The following TAP1 variants were observed in gnomAD, a reference collection of about 807,000 sequenced individuals.
TAP1 encodes the protein transporter 1, ATP binding cassette subfamily B member, also known as antigen peptide transporter 1.
TAP1 carries 56 observed loss-of-function variants against 79.3 expected under a neutral mutation model. That is an observed-to-expected ratio of 0.71 (90% CI 0.57 to 0.88). The LOEUF is 0.88. Among genes scored for constraint, TAP1 ranks in the 40% least tolerant of loss-of-function variants. The pLI is 0.00. For synonymous variants in TAP1, 355 were observed against 401.4 expected (o/e 0.88, Z 1.38); for missense variants, 737 against 936.3 (o/e 0.79, Z 2.78).
chr6:32,845,654 TC>T lies in TAP1; in HGVS notation c.2171del (p.Gly724GlufsTer75). 1 of 1,612,882 alleles carries T rather than the reference TC, an allele frequency of 6.2e-7. No individual in the cohort carries two copies. Among genetic ancestry groups the T allele is most frequent in the Non-Finnish European group, 8.5e-7 (1 of 1,179,970 alleles). ...FLEGGAIREG[G>X]THQQLMEKKG... ...TTTTCTCCATGAGCTGCTGGTGGGTTCCCCCCTCCCGGATAGCGCCTCCTTC... is the reference window on the plus strand; with the variant it reads ...TTTTCTCCATGAGCTGCTGGTGGGTTCCCCCTCCCGGATAGCGCCTCCTTC... On this transcript the variant is annotated frameshift_variant, in exon 11 of 11. Coordinates refer to ENST00000354258, the MANE Select transcript of TAP1 (RefSeq NM_000593.6). LOFTEE classifies it high-confidence loss of function. This position sits in a 1 kb window ranked among gnomAD's most constrained non-coding sequence, Gnocchi z 4.5.
rs1369339293 is a variant in TAP1, at chr6:32,852,074, T to C, written c.844+35A>G. 1.2e-6 allele frequency: 2 copies of C among 1,612,484 alleles called. No individual in the cohort carries two copies. The highest frequency in any genetic ancestry group is 1.3e-5 in the African/African-American group (1 of 74,790). On this transcript the variant is annotated intron_variant, in intron 3 of 10. Coordinates refer to ENST00000354258, the MANE Select transcript of TAP1 (RefSeq NM_000593.6). The surrounding 1 kb of genome is among the most constrained non-coding windows in gnomAD (Gnocchi z 4.8). The stretch of plus-strand genomic sequence containing the variant: ...AGCAGATGTATGAGGATATGAACAG[T>C]ACATGGCGTATAATGAAAGAGTTTC...
At position 32,852,043 on chromosome 6, in the gene TAP1, G is replaced by T; in HGVS notation, c.844+66C>A. The stretch of plus-strand genomic sequence containing the variant: ...AGAGAGAGAGAGCGGGGAGGGGGGA[G>T]ATCAAAGCAGATGTATGAGGATATG... On this transcript the variant is annotated intron_variant, in intron 3 of 10. Coordinates refer to ENST00000354258, the MANE Select transcript of TAP1 (RefSeq NM_000593.6). The surrounding 1 kb of genome is among the most constrained non-coding windows in gnomAD (Gnocchi z 4.8). 4 of 1,605,670 alleles carry T rather than the reference G, an allele frequency of 2.5e-6. No individual in the cohort carries two copies. Among genetic ancestry groups the T allele is most frequent in the Non-Finnish European group, 3.4e-6 (4 of 1,174,808 alleles).
Position 32,853,343 on chromosome 6 carries a change from T to G in TAP1, c.294A>C (p.Pro98=). The part of the protein sequence containing the change: ...GAQGWLAALK[P]LAAALGLALP... ...GGGCCAAGCCCAGTGCCGCAGCTAA[T>G]GGCTTCAAAGCAGCCAGCCAGCCCT... Residue 98 remains proline (P), a synonymous_variant, in exon 1 of 11, where the codon CCA becomes CCC. Coordinates refer to ENST00000354258, the MANE Select transcript of TAP1 (RefSeq NM_000593.6). The surrounding 1 kb of genome is among the most constrained non-coding windows in gnomAD (Gnocchi z 8.3). The G allele has an allele frequency of 6.3e-7, 1 of 1,584,752 alleles. No homozygotes were observed. Among genetic ancestry groups the G allele is most frequent in the Non-Finnish European group, 8.6e-7 (1 of 1,165,262 alleles).
Position 32,850,910 on chromosome 6 carries a change from G to T in TAP1, c.1050+34C>A. ...AGTCTGCCAAGTCTGGGAGATGAGG[G>T]TCTGTGTAGAGCGGGCCAACTCCAT... is the stretch of plus-strand genomic sequence containing the variant. On this transcript the variant is annotated intron_variant, in intron 4 of 10. Coordinates refer to ENST00000354258, the MANE Select transcript of TAP1 (RefSeq NM_000593.6). This position sits in a 1 kb window ranked among gnomAD's most constrained non-coding sequence, Gnocchi z 5.5. 6.3e-7 allele frequency: 1 copy of T among 1,582,536 alleles called. No homozygotes were observed. The highest frequency in any genetic ancestry group is 8.7e-7 in the Non-Finnish European group (1 of 1,153,840).
At position 32,847,696 on chromosome 6, in the gene TAP1, G is replaced by A. The variant is rs756413687; in HGVS notation, c.1741-21C>T. On this transcript the variant is annotated intron_variant, in intron 8 of 10. Transcript: ENST00000354258. This position sits in a 1 kb window ranked among gnomAD's most constrained non-coding sequence, Gnocchi z 4.7. ...GCCACCTGAGATGAAATATGATGAA[G>A]AGTCATAGAACAAGGCACATGGGAG... 6.2e-7 allele frequency: 1 copy of A among 1,612,488 alleles called. No individual in the cohort carries two copies. Among genetic ancestry groups the A allele is most frequent in the Non-Finnish European group, 8.5e-7 (1 of 1,179,188 alleles).
intron 7 of TAP1, 23 bp downstream of exon 7, chr6:32,848,629 A>G: frequency 6.2e-7 from 1 of 1,612,826 alleles, no homozygotes; most frequent in South Asian, 1.1e-5. Context: ...GGCCAGTGGA[A>G]TACAGGGAGT....
chr6:32,847,218 G>A lies in TAP1; in HGVS notation c.1904-14C>T, dbSNP rs550493302. On this transcript the variant is annotated splice_polypyrimidine_tract_variant and intron_variant, in intron 9 of 10. Coordinates refer to ENST00000354258, the MANE Select transcript of TAP1 (RefSeq NM_000593.6). This position sits in a 1 kb window ranked among gnomAD's most constrained non-coding sequence, Gnocchi z 4.7. Reference sequence around the variant, plus strand: ...CCTCGTCTACCTCTGCAGAGCAAAGGGCCAAGATGAGAACGGTATAGCCAC... The same window carrying A: ...CCTCGTCTACCTCTGCAGAGCAAAGAGCCAAGATGAGAACGGTATAGCCAC... 1.9e-5 allele frequency: 30 copies of A among 1,610,674 alleles called. No individual in the cohort carries two copies. In the African/African-American group the frequency reaches 3.6e-4, roughly 19 times the overall value.
At position 32,845,680 on chromosome 6, in the gene TAP1, C is replaced by G. The variant is rs760660792; in HGVS notation, c.2146G>C (p.Glu716Gln). The G allele has an allele frequency of 3.7e-6, 6 of 1,612,958 alleles. No individual in the cohort carries two copies. In the African/African-American group the frequency reaches 8.0e-5, roughly 22 times the overall value. The change falls in exon 11 of 11, where the codon GAA (glutamate) becomes CAA (glutamine). Residue 716 changes from glutamate (E) to glutamine (Q), a missense_variant. Physicochemically the swap from Glu to Gln is conservative, Grantham distance 29. Around this residue, in one of 5 missense-constraint regions of TAP1, gnomAD observed 266 missense variants for 332.4 expected, o/e 0.80. Coordinates refer to ENST00000354258, the MANE Select transcript of TAP1 (RefSeq NM_000593.6). The surrounding 1 kb of genome is among the most constrained non-coding windows in gnomAD (Gnocchi z 4.5). ...CCCCCCTCCCGGATAGCGCCTCCTT[C>G]CAGAAAGAGGATGTGGTCAGCCTGC... ...VEQADHILFL[E>Q]GGAIREGGTH...
In TAP1 at chr6:32,851,165, G is replaced by A. The variant is rs769274536; in HGVS notation, c.845-16C>T. On this transcript the variant is annotated splice_polypyrimidine_tract_variant and intron_variant, in intron 3 of 10. Transcript: ENST00000354258. The surrounding 1 kb of genome is among the most constrained non-coding windows in gnomAD (Gnocchi z 4.8). The stretch of plus-strand genomic sequence containing the variant: ...ATGATGTTACCTGCAGGGTTGGGGA[G>A]AAGAGAGTGAGGTGAATCAGACAGG... 1 of 1,611,918 alleles carries A rather than the reference G, an allele frequency of 6.2e-7. No homozygotes were observed. The highest frequency in any genetic ancestry group is 8.5e-7 in the Non-Finnish European group (1 of 1,179,146).
Position 32,848,632 on chromosome 6 carries a change from C to T in TAP1, c.1566+20G>A. Reference sequence around the variant, plus strand: ...AATTGCAGTTGGGGCCAGTGGAATACAGGGAGTGGTAGGTTGTACCTGTAG... The same window carrying T: ...AATTGCAGTTGGGGCCAGTGGAATATAGGGAGTGGTAGGTTGTACCTGTAG... On this transcript the variant is annotated intron_variant, in intron 7 of 10. Transcript: ENST00000354258. The T allele has an allele frequency of 1.2e-6, 2 of 1,613,286 alleles. No individual in the cohort carries two copies. The highest frequency in any genetic ancestry group is 1.7e-6 in the Non-Finnish European group (2 of 1,179,764).
intron 10 of TAP1, 88 bp downstream of exon 10, chr6:32,846,980 T>C: frequency 1.3e-6 from 2 of 1,586,600 alleles, no homozygotes; most frequent in Non-Finnish European, 1.7e-6. Context: ...CTGGTTTGTA[T>C]AATTATGATG....
Position 32,853,432 on chromosome 6 carries a change from A to T in TAP1, c.205T>A (p.Trp69Arg). 1 of 1,611,986 alleles carries T rather than the reference A, an allele frequency of 6.2e-7. No individual in the cohort carries two copies. Among genetic ancestry groups the T allele is most frequent in the Non-Finnish European group, 8.5e-7 (1 of 1,179,614 alleles). Residue 69 changes from tryptophan (W) to arginine (R), a missense_variant, in exon 1 of 11, where the codon TGG becomes AGG. Trp to Arg is a moderately radical substitution (Grantham distance 101). Coordinates refer to ENST00000354258, the MANE Select transcript of TAP1 (RefSeq NM_000593.6). This position sits in a 1 kb window ranked among gnomAD's most constrained non-coding sequence, Gnocchi z 8.3. The part of the protein sequence containing the change: ...AVGLSRWAVL[W>R]LGACGVLRAT... Reference sequence around the variant, plus strand: ...CTGAGGACCCCGCAGGCCCCCAGCCAGAGCACGGCCCAGCGGCTCAGGCCC... The same window carrying T: ...CTGAGGACCCCGCAGGCCCCCAGCCTGAGCACGGCCCAGCGGCTCAGGCCC...
intron 7 of TAP1, 71 bp downstream of exon 7, chr6:32,848,581 G>T (rs769184634): frequency 6.5e-7 from 1 of 1,534,572 alleles, no homozygotes; most frequent in Non-Finnish European, 9.0e-7. Flanking sequence ...GCAGGCTGAA[G>T]GCAGGAAGAA....
rs1770897296 is a variant in TAP1, at chr6:32,853,091, C to T, written c.546G>A (p.Ser182=). ...PVRRLLGCLG[S]ETRRLSLFLV... ...GGAACAGCGAGAGGCGGCGCGTCTCCGAGCCCAGGCAGCCTAGAAGCCGAC... is the reference window on the plus strand; with the variant it reads ...GGAACAGCGAGAGGCGGCGCGTCTCTGAGCCCAGGCAGCCTAGAAGCCGAC... Residue 182 remains serine (S), a synonymous_variant, in exon 1 of 11, where the codon TCG becomes TCA. Transcript: ENST00000354258. This position sits in a 1 kb window ranked among gnomAD's most constrained non-coding sequence, Gnocchi z 8.3. 6.2e-7 allele frequency: 1 copy of T among 1,612,622 alleles called. No individual in the cohort carries two copies. The highest frequency in any genetic ancestry group is 8.5e-7 in the Non-Finnish European group (1 of 1,179,958).
Position 32,851,026 on chromosome 6 carries a change from C to T in TAP1, c.968G>A (p.Gly323Glu), listed in dbSNP as rs1770749524. Residue 323 changes from glycine (G) to glutamate (E), a missense_variant, in exon 4 of 11, where the codon GGA (glycine) becomes GAA (glutamate). Physicochemically the swap from Gly to Glu is moderately conservative, Grantham distance 98 (BLOSUM62 -2). Coordinates refer to ENST00000354258, the MANE Select transcript of TAP1 (RefSeq NM_000593.6). This position sits in a 1 kb window ranked among gnomAD's most constrained non-coding sequence, Gnocchi z 4.8. Reference protein sequence around the residue: ...GLCLLGIMLWGSVSLTMVTLI... With the variant: ...GLCLLGIMLWESVSLTMVTLI... The stretch of plus-strand genomic sequence containing the variant: ...GGTGACCATGGTGAGGGACACTGAT[C>T]CCCAGAGCATGATCCCCAAGAGACA... 3 of 1,612,718 alleles carry T rather than the reference C, an allele frequency of 1.9e-6. No individual in the cohort carries two copies. The highest frequency in any genetic ancestry group is 8.5e-7 in the Non-Finnish European group (1 of 1,179,922).
rs768348425 is a variant in TAP1 at position 32,845,659 on chromosome 6, C to G, written c.2167G>C (p.Gly723Arg). ...TCCATGAGCTGCTGGTGGGTTCCCC[C>G]CTCCCGGATAGCGCCTCCTTCCAGA... ...LFLEGGAIRE[G>R]GTHQQLMEKK... The change falls in exon 11 of 11, where the codon GGG becomes CGG. Residue 723 changes from glycine (G) to arginine (R), a missense_variant. Physicochemically the swap from Gly to Arg is moderately radical, Grantham distance 125. Transcript: ENST00000354258. This position sits in a 1 kb window ranked among gnomAD's most constrained non-coding sequence, Gnocchi z 4.5. The G allele has an allele frequency of 2.1e-5, 34 of 1,612,994 alleles. No homozygotes were observed. The Admixed American group carries it at 3.2e-4, about 15-fold the overall frequency.
intron 10 of TAP1, among the ~76,000 whole-genome samples, chr6:32,846,675 C>T (rs965657350): frequency 2.6e-5 from 4 of 151,820 alleles, no homozygotes; most frequent in African/African-American, 9.7e-5. Flanking sequence ...AAAAGTCAAC[C>T]AGGCATAGTG....
Position 32,851,034 on chromosome 6 carries a change from C to G in TAP1, c.960G>C (p.Met320Ile). Reference protein sequence around the residue: ...LVRGLCLLGIMLWGSVSLTMV... With the variant: ...LVRGLCLLGIILWGSVSLTMV... ...TGGTGAGGGACACTGATCCCCAGAG[C>G]ATGATCCCCAAGAGACATAGGCCTC... The change falls in exon 4 of 11, where the codon ATG becomes ATC. Residue 320 changes from methionine (M) to isoleucine (I), a missense_variant. This residue lies in a region of TAP1 where 406 missense variants were observed against 477.2 expected (regional missense o/e 0.85). Transcript: ENST00000354258. This position sits in a 1 kb window ranked among gnomAD's most constrained non-coding sequence, Gnocchi z 4.8. 1.2e-6 allele frequency: 2 copies of G among 1,612,978 alleles called. No homozygotes were observed.
Position 32,851,278 on chromosome 6 carries a change from AG to A in TAP1, c.845-130del. 1 of 864,460 alleles carries A rather than the reference AG, an allele frequency of 1.2e-6. No homozygotes were observed. Among genetic ancestry groups the A allele is most frequent in the East Asian group, 2.6e-5 (1 of 37,856 alleles). The allele number at this position is 864,460 out of a possible 1,614,324, so 53.5% of individuals were successfully genotyped here. A position where few individuals can be genotyped will look rare whatever the true frequency, so the allele number is the denominator to read the frequency against. ...GGTTCTAAGGAGGCTGCAGGAAACA[AG>A]GTTAGGGTTCTCCAGAGGTCTGCAA... On this transcript the variant is annotated intron_variant, in intron 3 of 10. Transcript: ENST00000354258. This position sits in a 1 kb window ranked among gnomAD's most constrained non-coding sequence, Gnocchi z 4.8.
Sources: gnomAD v4.1 joint callset for allele counts (sites outside exome capture counted in the v4.1 genomes callset) on GRCh38, gnomAD v4.1.1 for gene constraint, gnomAD v4.1.1 regional missense constraint, Gnocchi (gnomAD v3.1) non-coding constraint, MANE v1.5 for transcripts, NCBI Gene and HGNC (gene_info 2026-07-23, HGNC 2026-07-21) for gene names.